Variants in HLCS observed in about 807,000 individuals in gnomAD.
The protein encoded by HLCS is biotin--protein ligase.
A neutral mutation model predicts 75.0 loss-of-function variants in HLCS; 53 were observed. The observed-to-expected ratio is 0.71, with a 90% CI of 0.57 to 0.89. The LOEUF (loss-of-function observed/expected upper bound fraction) is 0.89, where lower values mean the gene tolerates loss of function less well. HLCS is among the 40% of genes least tolerant of loss of function. HLCS has a pLI of 0.00. For missense variants in HLCS, 966 were observed against 1,074.0 expected (o/e 0.90, Z 1.41); for synonymous variants, 431 against 428.6 (o/e 1.01, Z -0.07).
chr21:36,978,542 G>T (rs115212882), intron 1 of HLCS, among the ~76,000 whole-genome samples: 2,617 of 152,220 alleles, frequency 0.017, 72 homozygotes, highest in African/African-American at 0.059. Flanking sequence ...CACAGTGTGG[G>T]AAGGAGGCTG....
At chr21:36,951,050 C>T (rs1330239321) in intron 2 of HLCS, among the ~76,000 whole-genome samples, 1 of 152,194 alleles carries the variant, frequency 6.6e-6, no homozygotes, top group East Asian at 1.9e-4. Context: ...ATTCCATAGG[C>T]ACCTGATCCT....
intron 5 of HLCS, among the ~76,000 whole-genome samples, chr21:36,921,456 A>G (rs1569195323): frequency 6.6e-6 from 1 of 152,212 alleles, no homozygotes; most frequent in Non-Finnish European, 1.5e-5. Flanking sequence ...GAAAAAGAAA[A>G]AAGAATATTC....
chr21:36,935,926 A>G (rs530090760), intron 4 of HLCS, among the ~76,000 whole-genome samples: 1 of 152,334 alleles, frequency 6.6e-6, no homozygotes, highest in African/African-American at 2.4e-5. Context: ...CAGCACTTGG[A>G]AGAGTGACAA....
chr21:36,896,423 C>T (rs1398436683), intron 6 of HLCS: 7 of 224,490 alleles, frequency 3.1e-5, no homozygotes, highest in Non-Finnish European at 6.2e-5. Context: ...AAAGCTCTGA[C>T]CTTTTTCAAT....
intron 1 of HLCS, among the ~76,000 whole-genome samples, chr21:36,976,723 A>C (rs986734506): frequency 1.3e-5 from 2 of 152,200 alleles, no homozygotes; most frequent in Admixed American, 1.3e-4. Flanking sequence ...TGTAAGCCTA[A>C]AATTATTTCA....
chr21:36,946,527 C>A (rs2067405181), intron 2 of HLCS, among the ~76,000 whole-genome samples: 1 of 152,114 alleles, frequency 6.6e-6, no homozygotes, highest in Admixed American at 6.5e-5. Context: ...CAGGTGTGAG[C>A]CACCATGTCC....
chr21:36,806,524 G>A (rs527631696), intron 6 of HLCS, among the ~76,000 whole-genome samples: 5 of 152,210 alleles, frequency 3.3e-5, no homozygotes, highest in South Asian at 4.2e-4. Flanking sequence ...TCTTTTGACC[G>A]CACAGCAAAA....
chr21:36,834,177 C>G (rs945034175), intron 6 of HLCS, among the ~76,000 whole-genome samples: 14 of 152,328 alleles, frequency 9.2e-5, no homozygotes, highest in African/African-American at 3.4e-4. Context: ...TGAAGGATAG[C>G]TGTATTTATC....
intron 6 of HLCS, among the ~76,000 whole-genome samples, chr21:36,801,055 T>C (rs2061183863): frequency 1.3e-5 from 2 of 152,212 alleles, no homozygotes; most frequent in Non-Finnish European, 2.9e-5. Flanking sequence ...TTATGGACAT[T>C]GTTCTGGGAT....
At chr21:36,880,744 C>A (rs1239958295) in intron 6 of HLCS, among the ~76,000 whole-genome samples, 2 of 152,148 alleles carry the variant, frequency 1.3e-5, no homozygotes, top group African/African-American at 2.4e-5. Flanking sequence ...GTCAAATAAG[C>A]TTTAACAAAA....
chr21:36,972,572 C>T (rs1278436795), intron 1 of HLCS, among the ~76,000 whole-genome samples: 2 of 152,142 alleles, frequency 1.3e-5, no homozygotes, highest in Non-Finnish European at 2.9e-5. Context: ...TTAACTAGGA[C>T]AGTAACTGTA....
At chr21:36,889,291 G>A (rs915230191) in intron 6 of HLCS, among the ~76,000 whole-genome samples, 7 of 152,308 alleles carry the variant, frequency 4.6e-5, no homozygotes, top group South Asian at 2.1e-4. Flanking sequence ...ACAAGTATAC[G>A]AAGGAAATTG....
At chr21:36,977,568 C>A (rs912691387) in intron 1 of HLCS, among the ~76,000 whole-genome samples, 1 of 152,224 alleles carries the variant, frequency 6.6e-6, no homozygotes, top group Non-Finnish European at 1.5e-5. Flanking sequence ...AAAACTTTTA[C>A]AACCACATGA....
At chr21:36,922,563 C>A (rs948190168) in intron 5 of HLCS, among the ~76,000 whole-genome samples, 1 of 152,204 alleles carries the variant, frequency 6.6e-6, no homozygotes, top group Non-Finnish European at 1.5e-5. Context: ...AAAAAGGAGT[C>A]TTCCCTTCTT....
At chr21:36,853,979 T>C (rs79056488) in intron 6 of HLCS, among the ~76,000 whole-genome samples, 2,508 of 152,322 alleles carry the variant, frequency 0.016, 77 homozygotes, top group African/African-American at 0.058. Flanking sequence ...TATATTAGTA[T>C]ATTGTTCTAT....
At chr21:36,969,581 AT>A (rs34807872), upstream of HLCS, 29,229 of 146,064 alleles carry the variant, frequency 0.2, 2,954 homozygotes, top group East Asian at 0.34. Context: ...CAGACTAGGG[AT>A]TTTTTTTTTT....
Position 36,930,453 on chromosome 21 carries a change from C to A in HLCS, c.1438-20G>T. 1 of 1,599,610 alleles carries A rather than the reference C, an allele frequency of 6.3e-7. No homozygotes were observed. The highest frequency in any genetic ancestry group is 8.6e-7 in the Non-Finnish European group (1 of 1,166,924). On this transcript the variant is annotated intron_variant, in intron 4 of 10. Transcript: ENST00000674895. ...GTGCACCTGAAGGGGAAAGATAGCA[C>A]TATGTAAACTGAGGGCACTCACAGG...
chr21:36,798,063 G>A (rs1307948716), intron 6 of HLCS, among the ~76,000 whole-genome samples: 2 of 152,206 alleles, frequency 1.3e-5, no homozygotes, highest in African/African-American at 4.8e-5. Context: ...CTTGAAGGAA[G>A]TGAGAGACTC....
chr21:36,846,508 T>C (rs574563655), intron 6 of HLCS, among the ~76,000 whole-genome samples: 1 of 152,324 alleles, frequency 6.6e-6, no homozygotes, highest in African/African-American at 2.4e-5. Flanking sequence ...ATCCAGTTTT[T>C]GTGCTGTTGT....
Sources: allele counts gnomAD v4.1 joint callset (sites outside exome capture counted in the v4.1 genomes callset), GRCh38; gene constraint gnomAD v4.1.1; transcripts MANE v1.5; gene names NCBI Gene and HGNC (gene_info 2026-07-23, HGNC 2026-07-21).